GFRAL: variants seen among roughly 807,000 people sequenced by gnomAD.
GFRAL encodes the protein GDNF family receptor alpha like, also known as GDNF family receptor alpha-like.
In GFRAL, 36 loss-of-function variants were observed where a neutral mutation model predicts 45.4. The observed-to-expected ratio is 0.79, with a 90% CI of 0.61 to 1.05. The LOEUF (loss-of-function observed/expected upper bound fraction) is 1.05. Among genes scored for constraint, GFRAL ranks in the 50% least tolerant of loss-of-function variants. The pLI, the probability that GFRAL is intolerant of heterozygous loss-of-function variation, is 0.00. For missense variants in GFRAL, 507 were observed against 467.5 expected (o/e 1.08, Z -0.78); for synonymous variants, 166 against 154.1 (o/e 1.08, Z -0.57).
chr6:55,380,431 G>T (rs1178027565), intron 6 of GFRAL, among the ~76,000 whole-genome samples: 1 of 151,916 alleles, frequency 6.6e-6, no homozygotes, highest in African/African-American at 2.4e-5. Flanking sequence ...TATACAGAGT[G>T]TGTTGAAAAT....
At chr6:55,354,343 T>C (rs924837916) in intron 5 of GFRAL, among the ~76,000 whole-genome samples, 1 of 152,008 alleles carries the variant, frequency 6.6e-6, no homozygotes, top group African/African-American at 2.4e-5. Flanking sequence ...CTTTTCAAAA[T>C]GTTTGGTGTG....
At chr6:55,382,876 A>G (rs949080919) in intron 6 of GFRAL, among the ~76,000 whole-genome samples, 3 of 151,996 alleles carry the variant, frequency 2.0e-5, no homozygotes, top group Admixed American at 1.3e-4. Context: ...AAATATCTGA[A>G]ACATAGTAAA....
intron 6 of GFRAL, among the ~76,000 whole-genome samples, chr6:55,368,168 C>T (rs1237326432): frequency 6.6e-6 from 1 of 151,590 alleles, no homozygotes; most frequent in Non-Finnish European, 1.5e-5. Flanking sequence ...TCTAAACTTC[C>T]CTTCTCACTT....
rs576812060 is a variant in GFRAL at position 55,336,727 on chromosome 6, C to T, written c.316+2783C>T. Reference sequence around the variant, plus strand: ...TTTAGTCTTTCATTTATTTTCCCTGCTTTATTACCCCAACTAGAGCTTTCA... The same window carrying T: ...TTTAGTCTTTCATTTATTTTCCCTGTTTTATTACCCCAACTAGAGCTTTCA... On this transcript the variant is annotated intron_variant, in intron 3 of 8. Coordinates refer to ENST00000340465, the MANE Select transcript of GFRAL (RefSeq NM_207410.2). 1.1e-3 allele frequency among the ~76,000 whole-genome samples: 166 copies of T among 152,060 alleles called. 2 individuals are homozygous for T. The Middle Eastern group carries it at 0.014, about 12-fold the overall frequency.
chr6:55,333,330 A>G (rs993538399), intron 2 of GFRAL, among the ~76,000 whole-genome samples: 1 of 152,150 alleles, frequency 6.6e-6, no homozygotes, highest in Non-Finnish European at 1.5e-5. Flanking sequence ...ATTGAGTGCT[A>G]TGTGCCAGGA....
intron 3 of GFRAL, among the ~76,000 whole-genome samples, chr6:55,335,720 G>A (rs538756368): frequency 6.6e-6 from 1 of 152,072 alleles, no homozygotes; most frequent in African/African-American, 2.4e-5. Flanking sequence ...AAGTCATTTG[G>A]CCATATGTTG....
chr6:55,360,097 T>G (rs527941861), intron 6 of GFRAL, among the ~76,000 whole-genome samples: 1 of 152,174 alleles, frequency 6.6e-6, no homozygotes, highest in Admixed American at 6.6e-5. Context: ...TTAAATAATT[T>G]GTTCAGCATC....
At chr6:55,344,711 A>G (rs2127353247) in intron 3 of GFRAL, among the ~76,000 whole-genome samples, 1 of 152,340 alleles carries the variant, frequency 6.6e-6, no homozygotes, top group Non-Finnish European at 1.5e-5. Flanking sequence ...CAGGAGAAAG[A>G]AATAAAGGGT....
intron 6 of GFRAL, among the ~76,000 whole-genome samples, chr6:55,377,943 CT>C (rs1768556454): frequency 6.6e-6 from 1 of 152,004 alleles, no homozygotes; most frequent in Non-Finnish European, 1.5e-5. Flanking sequence ...ATTCAGGTAA[CT>C]GAAGTTTTCT....
At chr6:55,386,388 A>G (rs1049820836) in intron 6 of GFRAL, among the ~76,000 whole-genome samples, 1 of 152,176 alleles carries the variant, frequency 6.6e-6, no homozygotes, top group Non-Finnish European at 1.5e-5. Context: ...TGTCATCTAC[A>G]AATCCAGTAT....
At chr6:55,383,663 C>T (rs1472700315) in intron 6 of GFRAL, among the ~76,000 whole-genome samples, 2 of 151,996 alleles carry the variant, frequency 1.3e-5, no homozygotes, top group Non-Finnish European at 2.9e-5. Flanking sequence ...ATGCATTTCT[C>T]AGAATGTATT....
chr6:55,362,243 C>A (rs751319137), intron 6 of GFRAL, among the ~76,000 whole-genome samples: 65 of 150,540 alleles, frequency 4.3e-4, no homozygotes, highest in Non-Finnish European at 2.7e-4. Context: ...ACTTGGAGCC[C>A]GCTATGTTCT....
At chr6:55,355,755 A>G (rs1768182053) in intron 5 of GFRAL, among the ~76,000 whole-genome samples, 1 of 151,766 alleles carries the variant, frequency 6.6e-6, no homozygotes, top group Non-Finnish European at 1.5e-5. Flanking sequence ...TTCCAGCACT[A>G]TGTTGAATAA....
intron 6 of GFRAL, among the ~76,000 whole-genome samples, chr6:55,369,755 G>T (rs974335160): frequency 6.6e-6 from 1 of 152,072 alleles, no homozygotes; most frequent in African/African-American, 2.4e-5. Flanking sequence ...TTTTTAATTT[G>T]TATTTTTATT....
intron 2 of GFRAL, among the ~76,000 whole-genome samples, chr6:55,332,398 T>G (rs1767841779): frequency 6.6e-6 from 1 of 151,684 alleles, no homozygotes; most frequent in Non-Finnish European, 1.5e-5. Context: ...GATTGGAGAG[T>G]GACTGGTATT....
chr6:55,362,560 T>C (rs138981425), intron 6 of GFRAL, among the ~76,000 whole-genome samples: 105 of 152,048 alleles, frequency 6.9e-4, no homozygotes, highest in Non-Finnish European at 1.3e-3. Flanking sequence ...AGAACAAATT[T>C]GTGGCCCTTA....
intron 4 of GFRAL, 124 bp from the exon 5 acceptor site, chr6:55,351,129 G>T: frequency 1.4e-6 from 1 of 698,420 alleles, no homozygotes; most frequent in Admixed American, 2.5e-5. Flanking sequence ...TGTAATGTTT[G>T]CCAAAAATAG....
At position 55,331,728 on chromosome 6, in the gene GFRAL, C is replaced by T. The variant is rs755578070; in HGVS notation, c.36C>T (p.Ser12=). Residue 12 remains serine (S), a synonymous_variant, in exon 2 of 9, where the codon AGC becomes AGT. Transcript: ENST00000340465. ...IVFIFLAMGL[S]LENEYTSQTN... is the part of the protein sequence containing the mutation. ...TTGTTATTCAAGCTATGGGGTTAAG[C>T]TTGGAAAATGAATACACTTCCCAAA... 1 of 1,608,446 alleles carries T rather than the reference C, an allele frequency of 6.2e-7. No individual in the cohort carries two copies. The highest frequency in any genetic ancestry group is 8.5e-7 in the Non-Finnish European group (1 of 1,178,160).
intron 3 of GFRAL, among the ~76,000 whole-genome samples, chr6:55,335,895 C>CGTTAT (rs1554187124): frequency 6.8e-6 from 1 of 147,768 alleles, no homozygotes; most frequent in Non-Finnish European, 1.5e-5. Flanking sequence ...ATTTCTTTGT[C>CGTTAT]TTTATTTTAT....
Sources: gnomAD v4.1 joint callset for allele counts (sites outside exome capture counted in the v4.1 genomes callset) on GRCh38, gnomAD v4.1.1 for gene constraint, MANE v1.5 for transcripts, NCBI Gene and HGNC (gene_info 2026-07-23, HGNC 2026-07-21) for gene names.